KLF12: variants seen among roughly 807,000 people sequenced by gnomAD.
KLF12 encodes Krueppel-like factor 12.
Under a neutral mutation model 37.8 loss-of-function variants are expected in KLF12, and 9 were observed. That is an observed-to-expected ratio of 0.24 (90% CI 0.14 to 0.42). The LOEUF is 0.42. Ranked by LOEUF, KLF12 falls within the 10% of genes least tolerant of loss-of-function variation. The pLI, the probability that KLF12 is intolerant of heterozygous loss-of-function variation, is 1.00. For missense variants in KLF12, 411 were observed against 516.0 expected (o/e 0.80, Z 1.97); for synonymous variants, 208 against 202.1 (o/e 1.03, Z -0.25).
At chr13:74,171,110 A>G in the KLF12 span, among the ~76,000 whole-genome samples, 1 of 152,162 alleles carries the variant, frequency 6.6e-6, no homozygotes. Context: ...GCAAATTATA[A>G]AGCTCGTAAT....
At chr13:74,110,842 G>C (rs750047192) in intron 1 of KLF12, among the ~76,000 whole-genome samples, 3 of 152,144 alleles carry the variant, frequency 2.0e-5, no homozygotes, top group Non-Finnish European at 2.9e-5. Context: ...AGTACTACAT[G>C]AAGCCCAAGA....
chr13:74,144,638 G>T, the KLF12 span, among the ~76,000 whole-genome samples: 1 of 152,020 alleles, frequency 6.6e-6, no homozygotes, highest in African/African-American at 2.4e-5. Context: ...AAAAAAATTC[G>T]GTGGGATCAT....
At chr13:73,727,515 G>A (rs1173980821) in intron 6 of KLF12, among the ~76,000 whole-genome samples, 1 of 152,034 alleles carries the variant, frequency 6.6e-6, no homozygotes, top group Admixed American at 6.6e-5. Context: ...TAAATGTAAG[G>A]GTTGATTCCT....
intron 2 of KLF12, among the ~76,000 whole-genome samples, chr13:73,959,339 T>C (rs1278043585): frequency 6.6e-6 from 1 of 152,026 alleles, no homozygotes; most frequent in Non-Finnish European, 1.5e-5. Context: ...GGTATTTTCT[T>C]TCATCCCACC....
chr13:74,143,519 T>C, the KLF12 span, among the ~76,000 whole-genome samples: 3 of 152,196 alleles, frequency 2.0e-5, no homozygotes, highest in South Asian at 6.2e-4. Flanking sequence ...CATATAATAA[T>C]TAATTTAATC....
rs1349317744 is a variant in KLF12, at chr13:73,687,154, CTCTT to C, written c.*8332_*8335del. On this transcript the variant is annotated 3_prime_UTR_variant, in exon 8 of 8. Transcript: ENST00000377669. ...TGGACAAACATGAATTTGCTGGTTT[CTCTT>C]TTTTTAAATGAGCATGTTATGATAC... 2.0e-5 allele frequency: 3 copies of C among 152,556 alleles called. No homozygotes were observed. Among genetic ancestry groups the C allele is most frequent in the Non-Finnish European group, 4.4e-5 (3 of 68,020 alleles). 9.5% of individuals were successfully genotyped at this position (152,556 alleles called of 1,614,324 possible).
chr13:73,836,319 C>G (rs953103754), intron 4 of KLF12, among the ~76,000 whole-genome samples: 4 of 151,994 alleles, frequency 2.6e-5, no homozygotes, highest in African/African-American at 9.7e-5. Flanking sequence ...GTAACATAGT[C>G]TGGAACAGAA....
the KLF12 span, among the ~76,000 whole-genome samples, chr13:74,158,304 G>A: frequency 6.6e-6 from 1 of 152,104 alleles, no homozygotes; most frequent in African/African-American, 2.4e-5. Context: ...GGGACTTAAA[G>A]GGGGGTGTAA....
At chr13:74,057,599 GC>G (rs1392957830) in intron 1 of KLF12, among the ~76,000 whole-genome samples, 4 of 152,188 alleles carry the variant, frequency 2.6e-5, no homozygotes, top group Non-Finnish European at 5.9e-5. Context: ...ATAACAAGTT[GC>G]TTTTCTTATC....
intron 1 of KLF12, among the ~76,000 whole-genome samples, chr13:74,099,383 C>T (rs1441685397): frequency 6.6e-6 from 1 of 151,956 alleles, no homozygotes; most frequent in Non-Finnish European, 1.5e-5. Flanking sequence ...TGCACTTTGC[C>T]CTACATCAAC....
intron 7 of KLF12, among the ~76,000 whole-genome samples, chr13:73,697,557 T>C (rs921269888): frequency 5.3e-5 from 8 of 152,220 alleles, no homozygotes; most frequent in African/African-American, 1.2e-4. Flanking sequence ...TAGTATTATC[T>C]ACATGCTTTT....
intron 2 of KLF12, among the ~76,000 whole-genome samples, chr13:73,953,970 CTTTTTTTTT>C (rs67945624): frequency 4.5e-5 from 4 of 88,532 alleles, no homozygotes; most frequent in Admixed American, 1.3e-4. Flanking sequence ...TTTTTTCTTT[CTTTTTTTTT>C]TTTTTTTTTT....
chr13:73,744,959 T>C (rs551325149), intron 6 of KLF12, among the ~76,000 whole-genome samples: 32 of 152,326 alleles, frequency 2.1e-4, no homozygotes, highest in African/African-American at 6.3e-4. Context: ...TTGCACTTTC[T>C]AGTTCTACAG....
At chr13:74,192,166 TA>T in the KLF12 span, among the ~76,000 whole-genome samples, 1 of 150,816 alleles carries the variant, frequency 6.6e-6, no homozygotes. Flanking sequence ...ACTATTAACT[TA>T]AAAAAAAATG....
intron 1 of KLF12, among the ~76,000 whole-genome samples, chr13:74,019,328 A>G (rs1892780686): frequency 6.6e-6 from 1 of 152,244 alleles, no homozygotes; most frequent in Non-Finnish European, 1.5e-5. Flanking sequence ...CATACTATCA[A>G]CTATCCATAT....
intron 4 of KLF12, among the ~76,000 whole-genome samples, chr13:73,832,214 T>C (rs1884197879): frequency 6.6e-6 from 1 of 152,198 alleles, no homozygotes; most frequent in East Asian, 1.9e-4. Context: ...TTGTGTGCCC[T>C]CCATTCTCTA....
At chr13:74,164,500 A>G in the KLF12 span, among the ~76,000 whole-genome samples, 1 of 152,252 alleles carries the variant, frequency 6.6e-6, no homozygotes, top group Non-Finnish European at 1.5e-5. Flanking sequence ...TGACAAAAAA[A>G]GAATGCACTA....
chr13:74,213,598 C>T, the KLF12 span, among the ~76,000 whole-genome samples: 2 of 137,038 alleles, frequency 1.5e-5, no homozygotes, highest in African/African-American at 2.6e-5. Context: ...CTCCCTCCTT[C>T]CCTCCCCCTT....
intron 4 of KLF12, among the ~76,000 whole-genome samples, chr13:73,844,431 T>C (rs189341763): frequency 3.3e-5 from 5 of 152,278 alleles, no homozygotes; most frequent in African/African-American, 4.8e-5. Flanking sequence ...TAGAGAATAG[T>C]GGGACTAGCT....
Sources: allele counts gnomAD v4.1 joint callset (sites outside exome capture counted in the v4.1 genomes callset), GRCh38; gene constraint gnomAD v4.1.1; transcripts MANE v1.5; gene names NCBI Gene and HGNC (gene_info 2026-07-23, HGNC 2026-07-21).